ANGPT2: variants seen among roughly 807,000 people sequenced by gnomAD.
ANGPT2 encodes angiopoietin 2, also known as angiopoietin-2.
ANGPT2 carries 28 observed loss-of-function variants against 62.9 expected under a neutral mutation model. The ratio of observed to expected loss-of-function variants is 0.44; its 90% CI spans 0.33 to 0.61. The LOEUF (loss-of-function observed/expected upper bound fraction) is 0.61. Among genes scored for constraint, ANGPT2 ranks in the 20% least tolerant of loss-of-function variants. The pLI, the probability that ANGPT2 is intolerant of heterozygous loss-of-function variation, is 0.03. For missense variants in ANGPT2, 727 were observed against 594.9 expected (o/e 1.22, Z -2.31); for synonymous variants, 284 against 207.8 (o/e 1.37, Z -3.15).
intron 6 of ANGPT2, 67 bp downstream of exon 6, chr8:6,514,609 TC>T: frequency 7.2e-7 from 1 of 1,386,258 alleles, no homozygotes; most frequent in Non-Finnish European, 1.0e-6. Context: ...TGGTTAAGGT[TC>T]CGCAGATCTT....
At chr8:6,534,688 C>T (rs1820182070) in intron 1 of ANGPT2, among the ~76,000 whole-genome samples, 2 of 152,020 alleles carry the variant, frequency 1.3e-5, no homozygotes, top group Non-Finnish European at 2.9e-5. Context: ...ACCCGGCAGG[C>T]CAGCAACCAT....
At chr8:6,505,272 G>GTTA (rs1813153585) in intron 8 of ANGPT2, among the ~76,000 whole-genome samples, 1 of 21,950 alleles carries the variant, frequency 4.6e-5, no homozygotes, top group African/African-American at 1.8e-4. Flanking sequence ...TTATATATAT[G>GTTA]TATACATATA....
chr8:6,514,587 G>C (rs1198783238), intron 6 of ANGPT2, 90 bp downstream of exon 6: 23 of 1,148,296 alleles, frequency 2.0e-5, no homozygotes, highest in Non-Finnish European at 2.7e-5. Flanking sequence ...TCATTGGTTA[G>C]TTTGGGATTG....
intron 8 of ANGPT2, 160 bp downstream of exon 8, chr8:6,508,772 A>G (rs1814313931): frequency 9.4e-7 from 1 of 1,064,210 alleles, no homozygotes; most frequent in African/African-American, 1.6e-5. Context: ...CTTAGTCTAA[A>G]AAAAGTGAAA....
At chr8:6,548,747 C>G (rs1823058909) in intron 1 of ANGPT2, among the ~76,000 whole-genome samples, 1 of 152,206 alleles carries the variant, frequency 6.6e-6, no homozygotes. Context: ...ACAAGCATCT[C>G]TCTCTGATGA....
chr8:6,519,795 C>T (rs1266793302), intron 5 of ANGPT2, 69 bp downstream of exon 5: 2 of 1,562,522 alleles, frequency 1.3e-6, no homozygotes, highest in Non-Finnish European at 1.7e-6. Context: ...CTTCTGCTCT[C>T]TGGTTCCTCA....
chr8:6,505,326 T>TA (rs1813234909), intron 8 of ANGPT2, among the ~76,000 whole-genome samples: 1 of 84,832 alleles, frequency 1.2e-5, no homozygotes. Context: ...ATATGTTATA[T>TA]ACATATAGAA....
rs1334415324 is a variant in ANGPT2, at chr8:6,499,798, T to TG, written c.*3302dup. 5 of 1,517,720 alleles carry TG rather than the reference T, an allele frequency of 3.3e-6. No individual in the cohort carries two copies. In the African/African-American group the frequency reaches 6.9e-5, roughly 21 times the overall value. The allele number at this position is 1,517,720 out of a possible 1,614,324, so 94.0% of individuals were successfully genotyped here. A position where few individuals can be genotyped will look rare whatever the true frequency, so the allele number is the denominator to read the frequency against. On this transcript the variant is annotated 3_prime_UTR_variant, in exon 9 of 9. Transcript: ENST00000629816. ...GTCTTCAAAGTGATTCTTGGTTTAT[T>TG]GCCTGCTAAGGCTAATAAATGTATA...
intron 6 of ANGPT2, 84 bp downstream of exon 6, chr8:6,514,593 G>C: frequency 8.3e-7 from 1 of 1,208,200 alleles, no homozygotes; most frequent in Non-Finnish European, 1.2e-6. Context: ...GTTAGTTTGG[G>C]ATTGGTGGTT....
chr8:6,553,834 C>G (rs1349995140), intron 1 of ANGPT2, among the ~76,000 whole-genome samples: 1 of 152,076 alleles, frequency 6.6e-6, no homozygotes, highest in Non-Finnish European at 1.5e-5. Flanking sequence ...GTGATTCAGC[C>G]ACTGAGGATG....
In ANGPT2 at chr8:6,499,689, T is replaced by C; in HGVS notation, c.*3412A>G. The C allele has an allele frequency of 1.6e-6, 1 of 633,326 alleles. No homozygotes were observed. The highest frequency in any genetic ancestry group is 2.8e-6 in the Non-Finnish European group (1 of 353,736). 39.2% of individuals were successfully genotyped at this position (633,326 alleles called of 1,614,324 possible). A position where few individuals can be genotyped will look rare whatever the true frequency, so the allele number is the denominator to read the frequency against. On this transcript the variant is annotated 3_prime_UTR_variant, in exon 9 of 9. Transcript: ENST00000629816. ...ACTTTTTATTAATATTCATAACATT[T>C]ATGCAACATGAAGATTCTGAAGGGA...
At chr8:6,547,817 G>C (rs1822878287) in intron 1 of ANGPT2, among the ~76,000 whole-genome samples, 1 of 152,134 alleles carries the variant, frequency 6.6e-6, no homozygotes, top group Non-Finnish European at 1.5e-5. Context: ...ACCGGAAGAA[G>C]GGAGCCGTGG....
intron 8 of ANGPT2, 135 bp from the exon 9 acceptor site, chr8:6,503,396 A>C: frequency 2.4e-6 from 2 of 828,538 alleles, no homozygotes; most frequent in Non-Finnish European, 3.9e-6. Context: ...TGGTGAGTAT[A>C]GGATGTGCAC....
chr8:6,512,392 C>T (rs1034694816), intron 7 of ANGPT2, among the ~76,000 whole-genome samples: 30 of 152,246 alleles, frequency 2.0e-4, no homozygotes, highest in African/African-American at 6.5e-4. Context: ...CTGACTTGGG[C>T]ATTAATGAGA....
chr8:6,503,255 C>T lies in ANGPT2; in HGVS notation c.1334G>A (p.Trp445Ter). The change falls in exon 9 of 9, where the codon TGG becomes TAG. Residue 445 changes from tryptophan to a stop codon, truncating the protein, a stop_gained. Coordinates refer to ENST00000629816, the MANE Select transcript of ANGPT2 (RefSeq NM_001118887.2). LOFTEE classifies it high-confidence loss of function. Reference protein sequence around the residue: ...KCSQMLTGGWWFDACGPSNLN... With the variant: ...KCSQMLTGGW Reference sequence around the variant, plus strand: ...GTTGGAAGGACCACATGCATCAAACCACCAGCCTGTGAAAGTAAAACACAG... The same window carrying T: ...GTTGGAAGGACCACATGCATCAAACTACCAGCCTGTGAAAGTAAAACACAG... The T allele has an allele frequency of 6.2e-7, 1 of 1,614,034 alleles. No individual in the cohort carries two copies. The highest frequency in any genetic ancestry group is 8.5e-7 in the Non-Finnish European group (1 of 1,179,992).
chr8:6,562,728 C>T lies in ANGPT2; in HGVS notation c.207G>A (p.Ala69=), dbSNP rs1025924932. The T allele has an allele frequency of 1.9e-6, 3 of 1,613,696 alleles. No homozygotes were observed. The highest frequency in any genetic ancestry group is 1.7e-6 in the Non-Finnish European group (2 of 1,179,920). Reference sequence around the variant, plus strand: ...GCACCGAGTCATCGTATTCGAGCGGCGCGTCCCTCTGCACAGCATTGGACA... The same window carrying T: ...GCACCGAGTCATCGTATTCGAGCGGTGCGTCCCTCTGCACAGCATTGGACA... ...PYVSNAVQRD[A]PLEYDDSVQR... is the part of the protein sequence containing the mutation. Residue 69 remains alanine, a synonymous_variant, in exon 1 of 9, where the codon GCG becomes GCA. Transcript: ENST00000629816.
At chr8:6,557,108 A>G (rs944606383) in intron 1 of ANGPT2, among the ~76,000 whole-genome samples, 1 of 152,058 alleles carries the variant, frequency 6.6e-6, no homozygotes, top group African/African-American at 2.4e-5. Context: ...GCCCAAATTC[A>G]TGTTCATTCA....
At chr8:6,510,682 T>C (rs1028452816) in intron 7 of ANGPT2, among the ~76,000 whole-genome samples, 6 of 152,176 alleles carry the variant, frequency 3.9e-5, no homozygotes, top group African/African-American at 1.4e-4. Context: ...TTGCACCAGA[T>C]GCAGCAAATG....
intron 1 of ANGPT2, among the ~76,000 whole-genome samples, chr8:6,538,561 G>C (rs80107587): frequency 6.6e-6 from 1 of 152,164 alleles, no homozygotes. Context: ...GTCCTTGGCT[G>C]TCCCAGCTGC....
Sources: gnomAD v4.1 joint callset for allele counts (sites outside exome capture counted in the v4.1 genomes callset) on GRCh38, gnomAD v4.1.1 for gene constraint, MANE v1.5 for transcripts, NCBI Gene and HGNC (gene_info 2026-07-23, HGNC 2026-07-21) for gene names.